CACNA1C: variants seen among roughly 807,000 people sequenced by gnomAD.
CACNA1C encodes calcium voltage-gated channel subunit alpha1 C, also known as voltage-dependent L-type calcium channel subunit alpha-1C.
In CACNA1C, 30 loss-of-function variants were observed where a neutral mutation model predicts 229.0. The observed-to-expected ratio is 0.13, with a 90% CI of 0.10 to 0.18. The LOEUF is 0.18. Among genes scored for constraint, CACNA1C ranks in the 10% least tolerant of loss-of-function variants. The pLI is 1.00. For synonymous variants in CACNA1C, 1,114 were observed against 1,132.5 expected, an observed-to-expected ratio of 0.98 and a Z score of 0.33; for missense variants, 1,658 against 2,845.0, an observed-to-expected ratio of 0.58 and a Z score of 9.49.
At chr12:2,349,259 G>C (rs2097137732) in intron 3 of CACNA1C, among the ~76,000 whole-genome samples, 1 of 152,200 alleles carries the variant, frequency 6.6e-6, no homozygotes, top group Non-Finnish European at 1.5e-5. Context: ...CCAGCATGAA[G>C]TCCCATGGTC....
chr12:2,511,569 T>G (rs1283276225), intron 8 of CACNA1C, among the ~76,000 whole-genome samples: 1 of 138,482 alleles, frequency 7.2e-6, no homozygotes, highest in African/African-American at 2.8e-5. Flanking sequence ...GTCCTATGCA[T>G]GTACACACAC....
At chr12:2,226,135 ACAC>A in intron 3 of CACNA1C, among the ~76,000 whole-genome samples, 1 of 123,590 alleles carries the variant, frequency 8.1e-6, no homozygotes, top group South Asian at 2.6e-4. Flanking sequence ...GCACACACAC[ACAC>A]ACACACACAC....
intron 1 of CACNA1C, among the ~76,000 whole-genome samples, chr12:2,027,040 C>T (rs1219104366): frequency 6.6e-6 from 1 of 152,092 alleles, no homozygotes; most frequent in East Asian, 1.9e-4. Context: ...AAGAAAGATA[C>T]TGTGATATTT....
intron 3 of CACNA1C, among the ~76,000 whole-genome samples, chr12:2,439,233 TG>T (rs1446993658): frequency 3.3e-5 from 5 of 152,190 alleles, no homozygotes; most frequent in Non-Finnish European, 7.4e-5. Flanking sequence ...GGGTGGCATT[TG>T]GGCTTCCTCT....
chr12:2,416,623 T>C (rs575872146), intron 3 of CACNA1C, among the ~76,000 whole-genome samples: 1 of 152,268 alleles, frequency 6.6e-6, no homozygotes, highest in South Asian at 2.1e-4. Flanking sequence ...ACCACCACGC[T>C]CTGAGCCTGC....
At chr12:2,466,350 T>A (rs146389513) in intron 5 of CACNA1C, among the ~76,000 whole-genome samples, 2 of 152,320 alleles carry the variant, frequency 1.3e-5, no homozygotes, top group Non-Finnish European at 2.9e-5. Context: ...GAGAGGAGGC[T>A]AGGCAGCAGG....
In CACNA1C at chr12:2,691,132, T is replaced by C. The variant is rs372730703; in HGVS notation, c.6350T>C (p.Val2117Ala). ...RAGGEEDAGCVRARGRPSEEE... is the reference protein window; with the variant it reads ...RAGGEEDAGCARARGRPSEEE... ...GGGGGCGAAGAGGACGCGGGCTGTG[T>C]GCGCGCGCGGGGTCGACCGAGTGAG... The change falls in exon 47 of 47, where the codon GTG becomes GCG. Residue 2117 changes from valine (V) to alanine (A), a missense_variant. By Grantham distance (64) the Val-to-Ala change is moderately conservative (BLOSUM62 0). Coordinates refer to ENST00000399655, the MANE Select transcript of CACNA1C (RefSeq NM_000719.7). 1 of 1,607,748 alleles carries C rather than the reference T, an allele frequency of 6.2e-7. No individual in the cohort carries two copies. Among genetic ancestry groups the C allele is most frequent in the African/African-American group, 1.3e-5 (1 of 74,740 alleles).
At chr12:2,347,246 C>G (rs749257951) in intron 3 of CACNA1C, among the ~76,000 whole-genome samples, 3 of 152,210 alleles carry the variant, frequency 2.0e-5, no homozygotes, top group Non-Finnish European at 4.4e-5. Context: ...ACTGCACTTT[C>G]CCCACATCTG....
chr12:2,188,024 CA>C (rs770399581), intron 3 of CACNA1C, among the ~76,000 whole-genome samples: 1 of 152,204 alleles, frequency 6.6e-6, no homozygotes, highest in Non-Finnish European at 1.5e-5. Flanking sequence ...AGCAGACACC[CA>C]GCAGCATAAG....
intron 5 of CACNA1C, among the ~76,000 whole-genome samples, chr12:2,480,019 C>T (rs1189835482): frequency 6.6e-6 from 1 of 152,202 alleles, no homozygotes; most frequent in African/African-American, 2.4e-5. Context: ...GGATTATTTC[C>T]TCCACTTTAC....
chr12:2,560,848 TAAAAAAAA>T (rs36012443), intron 11 of CACNA1C, among the ~76,000 whole-genome samples: 2 of 113,080 alleles, frequency 1.8e-5, no homozygotes, highest in South Asian at 3.5e-4. Flanking sequence ...TTGGTTCTGG[TAAAAAAAA>T]AAAAAAAAAA....
chr12:2,183,940 A>G (rs1374109872), intron 3 of CACNA1C, among the ~76,000 whole-genome samples: 2 of 152,232 alleles, frequency 1.3e-5, no homozygotes, highest in African/African-American at 2.4e-5. Context: ...TATGAATTAT[A>G]TCCATCCACG....
At chr12:2,401,644 C>T (rs545310028) in intron 3 of CACNA1C, among the ~76,000 whole-genome samples, 11 of 152,314 alleles carry the variant, frequency 7.2e-5, no homozygotes, top group Non-Finnish European at 1.5e-5. Flanking sequence ...GCTTTGTTTC[C>T]TTGGCAAATT....
At chr12:2,397,676 G>A (rs958757853) in intron 3 of CACNA1C, among the ~76,000 whole-genome samples, 3 of 152,240 alleles carry the variant, frequency 2.0e-5, no homozygotes, top group Non-Finnish European at 2.9e-5. Flanking sequence ...GATAGACACA[G>A]TGGAGCAGCA....
intron 1 of CACNA1C, among the ~76,000 whole-genome samples, chr12:1,987,005 G>A (rs540165967): frequency 6.6e-6 from 1 of 152,120 alleles, no homozygotes; most frequent in Non-Finnish European, 1.5e-5. Flanking sequence ...AATAGAAGTG[G>A]GGATAGAACG....
rs1358479460 is a variant in CACNA1C, at chr12:2,695,134, G to C, written c.*3935G>C. The C allele has an allele frequency of 2.0e-5, 3 of 152,218 alleles. No homozygotes were observed. Among genetic ancestry groups the C allele is most frequent in the African/African-American group, 7.2e-5 (3 of 41,452 alleles). 9.4% of individuals were successfully genotyped at this position (152,218 alleles called of 1,614,324 possible). A position where few individuals can be genotyped will look rare whatever the true frequency, so the allele number is the denominator to read the frequency against. Reference sequence around the variant, plus strand: ...GTCTGGGCCGTTTCCATATTTTAAAGAAGACCTGCCTCTGGGGCAAATGTC... The same window carrying C: ...GTCTGGGCCGTTTCCATATTTTAAACAAGACCTGCCTCTGGGGCAAATGTC... On this transcript the variant is annotated 3_prime_UTR_variant, in exon 47 of 47. Transcript: ENST00000399655.
chr12:2,344,262 T>C (rs911072287), intron 3 of CACNA1C, among the ~76,000 whole-genome samples: 3 of 152,174 alleles, frequency 2.0e-5, no homozygotes, highest in South Asian at 2.1e-4. Flanking sequence ...TGTGGATAAG[T>C]TGAAAATTGC....
chr12:2,082,649 T>C (rs892137097), intron 1 of CACNA1C, among the ~76,000 whole-genome samples: 1 of 152,134 alleles, frequency 6.6e-6, no homozygotes, highest in Admixed American at 6.5e-5. Context: ...TCCACCTCAT[T>C]CTAGACTGTG....
intron 3 of CACNA1C, among the ~76,000 whole-genome samples, chr12:2,357,842 G>A (rs2097424609): frequency 6.6e-6 from 1 of 151,612 alleles, no homozygotes; most frequent in Non-Finnish European, 1.5e-5. Context: ...ATGGTGGAGG[G>A]TGCCTGTAAT....
Sources: gnomAD v4.1 joint callset for allele counts (sites outside exome capture counted in the v4.1 genomes callset) on GRCh38, gnomAD v4.1.1 for gene constraint, MANE v1.5 for transcripts, NCBI Gene and HGNC (gene_info 2026-07-23, HGNC 2026-07-21) for gene names.